The following FBXL17 variants were observed in gnomAD, a reference collection of about 807,000 sequenced individuals.
FBXL17 encodes F-box and leucine rich repeat protein 17, also known as F-box/LRR-repeat protein 17.
A neutral mutation model predicts 66.2 loss-of-function variants in FBXL17; 22 were observed. The ratio of observed to expected loss-of-function variants is 0.33; its 90% confidence interval spans 0.24 to 0.47. The LOEUF (loss-of-function observed/expected upper bound fraction) is 0.47, where lower values mean the gene tolerates loss of function less well. Ranked by LOEUF, FBXL17 falls within the 20% of genes least tolerant of loss-of-function variation. The probability of loss-of-function intolerance (pLI) is 1.00; values close to 1 mark genes in which losing one functional copy is unlikely to be tolerated. For missense variants in FBXL17, 878 were observed against 948.2 expected (o/e 0.93, Z 0.97); for synonymous variants, 474 against 400.5 (o/e 1.18, Z -2.19).
At chr5:108,267,811 A>G (rs918828766) in intron 4 of FBXL17, among the ~76,000 whole-genome samples, 1 of 152,056 alleles carries the variant, frequency 6.6e-6, no homozygotes, top group South Asian at 2.1e-4. Context: ...TGGTAGGGAC[A>G]GATTAAAGAA....
chr5:108,367,687 C>T, intron 2 of FBXL17, 144 bp downstream of exon 2: 1 of 623,622 alleles, frequency 1.6e-6, no homozygotes, highest in South Asian at 4.5e-5. Flanking sequence ...ATCACATACA[C>T]AAAAAACTAC....
At chr5:108,328,346 T>C (rs922155669) in intron 4 of FBXL17, among the ~76,000 whole-genome samples, 4 of 151,832 alleles carry the variant, frequency 2.6e-5, no homozygotes, top group Non-Finnish European at 4.4e-5. Context: ...ACAAAAACAC[T>C]AGGAATGGAG....
At chr5:108,248,413 G>A (rs1343204923) in intron 4 of FBXL17, among the ~76,000 whole-genome samples, 1 of 152,086 alleles carries the variant, frequency 6.6e-6, no homozygotes, top group Non-Finnish European at 1.5e-5. Flanking sequence ...CTGAAAAACA[G>A]AGAAAATGAA....
intron 4 of FBXL17, among the ~76,000 whole-genome samples, chr5:108,310,537 C>A (rs1759065947): frequency 1.3e-5 from 2 of 152,042 alleles, no homozygotes; most frequent in Admixed American, 1.3e-4. Context: ...AATAAATAAC[C>A]CAGCTGTGGA....
At chr5:108,273,982 G>C (rs1298845643) in intron 4 of FBXL17, among the ~76,000 whole-genome samples, 3 of 152,008 alleles carry the variant, frequency 2.0e-5, no homozygotes, top group African/African-American at 7.3e-5. Context: ...TACTTTTACA[G>C]GAATTTCTTA....
chr5:108,349,430 GA>G (rs1171074431), intron 3 of FBXL17, among the ~76,000 whole-genome samples: 1 of 150,520 alleles, frequency 6.6e-6, no homozygotes, highest in Admixed American at 6.6e-5. Context: ...GCTTTTGTAA[GA>G]AAAAAAAACT....
intron 6 of FBXL17, among the ~76,000 whole-genome samples, chr5:108,050,594 G>A (rs936386619): frequency 6.6e-6 from 1 of 152,198 alleles, no homozygotes; most frequent in African/African-American, 2.4e-5. Flanking sequence ...GCCCACATCA[G>A]AAAGCTAGAA....
At chr5:107,966,503 T>C (rs1752146718) in intron 7 of FBXL17, among the ~76,000 whole-genome samples, 1 of 152,074 alleles carries the variant, frequency 6.6e-6, no homozygotes, top group Non-Finnish European at 1.5e-5. Context: ...ACACATACTT[T>C]TCAAGCAATC....
chr5:108,219,443 T>C (rs1024058691), intron 5 of FBXL17, among the ~76,000 whole-genome samples: 1 of 152,174 alleles, frequency 6.6e-6, no homozygotes, highest in African/African-American at 2.4e-5. Context: ...CTCAGCACTT[T>C]GAGAGGCTGA....
At chr5:107,906,647 A>G (rs2112540332) in intron 7 of FBXL17, among the ~76,000 whole-genome samples, 1 of 152,266 alleles carries the variant, frequency 6.6e-6, no homozygotes, top group East Asian at 1.9e-4. Flanking sequence ...ACCTCATACC[A>G]CTGGGTAATC....
At chr5:108,005,671 C>G (rs1002299568) in intron 7 of FBXL17, among the ~76,000 whole-genome samples, 1 of 152,126 alleles carries the variant, frequency 6.6e-6, no homozygotes, top group Non-Finnish European at 1.5e-5. Context: ...ACAATGATCC[C>G]TGATTGATAA....
chr5:107,973,354 A>ATT (rs200079422), intron 7 of FBXL17, among the ~76,000 whole-genome samples: 115 of 120,440 alleles, frequency 9.5e-4, no homozygotes, highest in African/African-American at 1.2e-3. Context: ...TTTTTTTGTA[A>ATT]TTTTTTTTTT....
At chr5:108,203,014 A>T (rs1203456237) in intron 5 of FBXL17, among the ~76,000 whole-genome samples, 1 of 152,130 alleles carries the variant, frequency 6.6e-6, no homozygotes, top group East Asian at 1.9e-4. Flanking sequence ...ATAGTTATTA[A>T]TCTTAACATT....
chr5:108,070,054 T>C (rs1748271014), intron 6 of FBXL17, among the ~76,000 whole-genome samples: 1 of 152,234 alleles, frequency 6.6e-6, no homozygotes, highest in African/African-American at 2.4e-5. Context: ...ATTAAAATAA[T>C]ATGCATTAAA....
At chr5:107,863,876 C>G (rs1439867412) in intron 8 of FBXL17, among the ~76,000 whole-genome samples, 1 of 152,182 alleles carries the variant, frequency 6.6e-6, no homozygotes, top group Admixed American at 6.5e-5. Context: ...TTAGGCACCC[C>G]TTCCCAGTGC....
In FBXL17 at chr5:108,126,479, T is replaced by C. The variant is rs548163591; in HGVS notation, c.1745+59638A>G. ...TATATTTACTTCAGATTAAACATGATTTTATTAACATTCTAGACAGCTAAG... is the reference window on the plus strand; with the variant it reads ...TATATTTACTTCAGATTAAACATGACTTTATTAACATTCTAGACAGCTAAG... On this transcript the variant is annotated intron_variant, in intron 6 of 8. Coordinates refer to ENST00000542267, the MANE Select transcript of FBXL17 (RefSeq NM_001163315.3). 5.7e-4 allele frequency among the ~76,000 whole-genome samples: 86 copies of C among 152,070 alleles called. No homozygotes were observed. The South Asian group carries it at 7.7e-3, about 14-fold the overall frequency.
chr5:108,093,346 T>C lies in FBXL17; in HGVS notation c.1746-72345A>G, dbSNP rs114055709. The stretch of plus-strand genomic sequence containing the variant: ...CCCCTGGAACTACTGCCCCCTTGAG[T>C]TCTATAAGAAAACTCAGTCCTGCAC... On this transcript the variant is annotated intron_variant, in intron 6 of 8. Transcript: ENST00000542267. Among the ~76,000 whole-genome samples the C allele has an allele frequency of 6.5e-4, 98 of 151,334 alleles. 1 individual carries two copies. Among genetic ancestry groups the C allele is most frequent in the African/African-American group, 2.2e-3 (92 of 41,268 alleles).
At chr5:108,134,748 C>T (rs78591430) in intron 6 of FBXL17, among the ~76,000 whole-genome samples, 17,967 of 152,096 alleles carry the variant, frequency 0.12, 1,263 homozygotes, top group East Asian at 0.16. Flanking sequence ...CCGCTGGTTT[C>T]CAATCCTAAT....
chr5:108,007,668 T>C (rs1378150689), intron 7 of FBXL17, among the ~76,000 whole-genome samples: 2 of 145,962 alleles, frequency 1.4e-5, no homozygotes, highest in Non-Finnish European at 2.9e-5. Context: ...TGTAGGCTAC[T>C]AAATATCAAG....
Sources: allele counts gnomAD v4.1 joint callset (sites outside exome capture counted in the v4.1 genomes callset), GRCh38; gene constraint gnomAD v4.1.1; transcripts MANE v1.5; gene names NCBI Gene and HGNC (gene_info 2026-07-23, HGNC 2026-07-21).